Variants in ADGRL3 observed in about 807,000 individuals in gnomAD.
ADGRL3 encodes calcium-independent alpha-latrotoxin receptor 3.
Under a neutral mutation model 153.5 loss-of-function variants are expected in ADGRL3, and 62 were observed. The ratio of observed to expected loss-of-function variants is 0.40; its 90% CI spans 0.33 to 0.50. The LOEUF is 0.50. Among genes scored for constraint, ADGRL3 ranks in the 20% least tolerant of loss-of-function variants. The probability of loss-of-function intolerance (pLI) is 0.47; values close to 1 mark genes in which losing one functional copy is unlikely to be tolerated. For missense variants in ADGRL3, 1,641 were observed against 1,859.4 expected, an observed-to-expected ratio of 0.88 and a Z score of 2.16; for synonymous variants, 710 against 672.5, an observed-to-expected ratio of 1.06 and a Z score of -0.86.
chr4:61,939,845 G>A (rs2098872389), intron 15 of ADGRL3, among the ~76,000 whole-genome samples: 2 of 152,056 alleles, frequency 1.3e-5, no homozygotes, highest in Admixed American at 6.5e-5. Flanking sequence ...TCGTTAACCT[G>A]ACAAAATATT....
rs1260667469 is a variant in ADGRL3 at position 61,909,566 on chromosome 4, T to A, written c.1894T>A (p.Ser632Thr). 1.9e-6 allele frequency: 3 copies of A among 1,609,838 alleles called. No individual in the cohort carries two copies. Among genetic ancestry groups the A allele is most frequent in the Non-Finnish European group, 8.5e-7 (1 of 1,178,090 alleles). ...TTCCATTTAAAAATTATAGTTGAAA[T>A]CTGGTGAAACAGCTGCCAACATTGC... is the stretch of plus-strand genomic sequence containing the variant. ...WVNHITQKLK[S>T]GETAANIARE... Residue 632 changes from serine (S) to threonine (T), a missense_variant, in exon 12 of 27, where the codon TCT becomes ACT. Physicochemically the swap from Ser to Thr is moderately conservative, Grantham distance 58. Transcript: ENST00000683033.
chr4:61,280,260 C>G (rs985132688), intron 1 of ADGRL3, among the ~76,000 whole-genome samples: 2 of 151,776 alleles, frequency 1.3e-5, no homozygotes, highest in Admixed American at 6.6e-5. Context: ...CAGGAGCACG[C>G]CACCATGCCT....
intron 1 of ADGRL3, among the ~76,000 whole-genome samples, chr4:61,297,224 C>T (rs62312935): frequency 1.1e-4 from 16 of 152,190 alleles, no homozygotes; most frequent in African/African-American, 1.9e-4. Flanking sequence ...ATTCTGATCT[C>T]GGCTACATTT....
At position 61,476,119 on chromosome 4, in the gene ADGRL3, C is replaced by T. The variant is rs6843432; in HGVS notation, c.-173-21002C>T. Among the ~76,000 whole-genome samples, 643 of 152,250 alleles carry T rather than the reference C, an allele frequency of 4.2e-3. 7 individuals are homozygous for T. The highest frequency in any genetic ancestry group is 0.014 in the African/African-American group (579 of 41,544). Reference sequence around the variant, plus strand: ...ACAGCCATAGTACTCTGTCTTCTGGCGGATGCCTTTCTCAATTAATTATTC... The same window carrying T: ...ACAGCCATAGTACTCTGTCTTCTGGTGGATGCCTTTCTCAATTAATTATTC... On this transcript the variant is annotated intron_variant, in intron 2 of 26. Coordinates refer to ENST00000683033, the MANE Select transcript of ADGRL3 (RefSeq NM_001387552.1).
chr4:61,806,143 A>G (rs1015266316), intron 8 of ADGRL3, among the ~76,000 whole-genome samples: 2 of 152,158 alleles, frequency 1.3e-5, no homozygotes, highest in Non-Finnish European at 2.9e-5. Flanking sequence ...CAGAGTACAC[A>G]TATGAGCTGC....
At chr4:61,384,938 C>G (rs563623754) in intron 2 of ADGRL3, among the ~76,000 whole-genome samples, 3 of 152,076 alleles carry the variant, frequency 2.0e-5, no homozygotes, top group African/African-American at 7.2e-5. Context: ...CTAACGGATA[C>G]AAGGTTTCCT....
intron 5 of ADGRL3, among the ~76,000 whole-genome samples, chr4:61,648,610 A>G (rs1159269468): frequency 2.0e-5 from 3 of 151,640 alleles, no homozygotes; most frequent in African/African-American, 7.3e-5. Flanking sequence ...AGTTTGTGAA[A>G]CTAAATTTTT....
chr4:61,498,494 G>A (rs935181911), intron 3 of ADGRL3, among the ~76,000 whole-genome samples: 1 of 151,928 alleles, frequency 6.6e-6, no homozygotes, highest in Non-Finnish European at 1.5e-5. Context: ...AGCTTACAGT[G>A]ACCCAAGATC....
At chr4:61,564,106 G>T (rs2098806803) in intron 4 of ADGRL3, among the ~76,000 whole-genome samples, 1 of 152,016 alleles carries the variant, frequency 6.6e-6, no homozygotes, top group African/African-American at 2.4e-5. Flanking sequence ...AGCCTTTATA[G>T]AATTGAAAAG....
intron 9 of ADGRL3, among the ~76,000 whole-genome samples, chr4:61,840,441 C>T (rs958666845): frequency 1.3e-5 from 2 of 152,164 alleles, no homozygotes; most frequent in African/African-American, 2.4e-5. Flanking sequence ...TGACATATAA[C>T]GAAAGGTAAC....
chr4:61,458,709 A>C (rs1338293077), intron 2 of ADGRL3, among the ~76,000 whole-genome samples: 1 of 151,580 alleles, frequency 6.6e-6, no homozygotes, highest in Non-Finnish European at 1.5e-5. Context: ...TTAGGTAGCT[A>C]ATATTTGTGA....
At chr4:61,491,214 T>C (rs2098254614) in intron 2 of ADGRL3, among the ~76,000 whole-genome samples, 1 of 152,186 alleles carries the variant, frequency 6.6e-6, no homozygotes, top group African/African-American at 2.4e-5. Context: ...AGAGATGTCC[T>C]CTGTCACTTC....
At chr4:61,471,928 G>A (rs1008499966) in intron 2 of ADGRL3, among the ~76,000 whole-genome samples, 8 of 151,700 alleles carry the variant, frequency 5.3e-5, no homozygotes, top group East Asian at 1.9e-4. Context: ...AATATAATAC[G>A]ATTATTTATT....
intron 19 of ADGRL3, among the ~76,000 whole-genome samples, chr4:61,985,747 C>T (rs760522505): frequency 1.1e-4 from 16 of 152,020 alleles, no homozygotes; most frequent in Non-Finnish European, 1.6e-4. Flanking sequence ...GACTTATTCC[C>T]GTTGAGTCCT....
At chr4:61,705,946 G>A (rs1469036781) in intron 6 of ADGRL3, among the ~76,000 whole-genome samples, 1 of 152,206 alleles carries the variant, frequency 6.6e-6, no homozygotes, top group Non-Finnish European at 1.5e-5. Flanking sequence ...AGAGCTCAGA[G>A]TAGATTTAAT....
chr4:61,463,619 A>G (rs943728896), intron 2 of ADGRL3, among the ~76,000 whole-genome samples: 77 of 152,116 alleles, frequency 5.1e-4, no homozygotes, highest in African/African-American at 1.7e-3. Flanking sequence ...TCTTTTTTAC[A>G]TGCTAAATGT....
At chr4:61,333,119 C>T (rs2095606703) in intron 1 of ADGRL3, among the ~76,000 whole-genome samples, 2 of 151,908 alleles carry the variant, frequency 1.3e-5, no homozygotes, top group South Asian at 2.1e-4. Flanking sequence ...GTTATAAGCA[C>T]ATAAAAATAC....
intron 5 of ADGRL3, among the ~76,000 whole-genome samples, chr4:61,668,901 C>T (rs2094897287): frequency 6.6e-6 from 1 of 152,002 alleles, no homozygotes; most frequent in African/African-American, 2.4e-5. Context: ...TACCTGTGGT[C>T]CCAGTTATTC....
In ADGRL3 at chr4:61,200,766, G is replaced by T. The variant is rs926353445; in HGVS notation, c.-1239G>T. 1.3e-5 allele frequency among the ~76,000 whole-genome samples: 2 copies of T among 152,120 alleles called. No homozygotes were observed. The highest frequency in any genetic ancestry group is 2.4e-5 in the African/African-American group (1 of 41,430). On this transcript the variant is annotated 5_prime_UTR_variant, in exon 1 of 27. Transcript: ENST00000683033. ...GTGCCTCGCTCGCTCTTGGGGAGTC[G>T]AAGAAGAGAAAGAACCGAAGAGACA...
Sources: gnomAD v4.1 joint callset for allele counts (sites outside exome capture counted in the v4.1 genomes callset) on GRCh38, gnomAD v4.1.1 for gene constraint, MANE v1.5 for transcripts, NCBI Gene and HGNC (gene_info 2026-07-23, HGNC 2026-07-21) for gene names.